Variants in PCDHA5 observed in about 807,000 individuals in gnomAD.
The protein encoded by PCDHA5 is protocadherin alpha 5, also known as protocadherin alpha-5.
A neutral mutation model predicts 61.6 loss-of-function variants in PCDHA5; 43 were observed. The observed-to-expected ratio is 0.70, with a 90% CI of 0.55 to 0.90. PCDHA5 has a LOEUF of 0.90. PCDHA5 is among the 40% of genes least tolerant of loss of function. The pLI is 0.00. For missense variants in PCDHA5, 1,298 were observed against 1,222.7 expected (o/e 1.06, Z -0.92); for synonymous variants, 627 against 543.9 (o/e 1.15, Z -2.13).
chr5:140,964,586 C>T (rs2095842092), intron 1 of PCDHA5, among the ~76,000 whole-genome samples: 1 of 152,078 alleles, frequency 6.6e-6, no homozygotes, highest in Non-Finnish European at 1.5e-5. Flanking sequence ...GAGGAAAGAT[C>T]ACTTTTCATG....
chr5:140,941,191 T>TTTTTCTTTC lies in PCDHA5; in HGVS notation c.2353-37755_2353-37754insTCTTTCTTT, dbSNP rs1554213809. 3.1e-4 allele frequency among the ~76,000 whole-genome samples: 29 copies of TTTTTCTTTC among 93,252 alleles called. No homozygotes were observed. The East Asian group carries it at 6.1e-3, about 20-fold the overall frequency. 61.2% of individuals were successfully genotyped at this position (93,252 alleles called of 152,430 possible). On this transcript the variant is annotated intron_variant, in intron 1 of 3. Transcript: ENST00000529859. ...CATCTTGAACATCCTGCTTCTTTTT[T>TTTTTCTTTC]TTTCTTTCTTCCTTTCTTTCTTCCT...
chr5:140,897,949 G>A (rs2066421771), intron 1 of PCDHA5, among the ~76,000 whole-genome samples: 2 of 152,308 alleles, frequency 1.3e-5, no homozygotes, highest in African/African-American at 2.4e-5. Context: ...GTGATGATTA[G>A]CATTTTTTCA....
chr5:140,853,742 G>A, intron 1 of PCDHA5: 1 of 988,574 alleles, frequency 1.0e-6, no homozygotes, highest in Non-Finnish European at 1.2e-6. Context: ...GAATGTTCTG[G>A]TTCAAGGCTC....
intron 1 of PCDHA5, chr5:140,841,149 T>G: frequency 1.3e-6 from 1 of 781,862 alleles, no homozygotes. Flanking sequence ...ATGATGTCGC[T>G]GTCTACCAAG....
At chr5:140,928,855 C>T (rs781997277) in intron 1 of PCDHA5, 1 of 1,614,184 alleles carries the variant, frequency 6.2e-7, no homozygotes, top group Non-Finnish European at 8.5e-7. Context: ...TCTGGGTGTG[C>T]TGTTGAGCAA....
At chr5:140,934,563 T>A (rs1017456946) in intron 1 of PCDHA5, among the ~76,000 whole-genome samples, 1 of 152,212 alleles carries the variant, frequency 6.6e-6, no homozygotes, top group African/African-American at 2.4e-5. Flanking sequence ...TTCTTTTTTT[T>A]AATTAATTGT....
chr5:141,001,278 C>T (rs182360019), intron 3 of PCDHA5, among the ~76,000 whole-genome samples: 500 of 152,168 alleles, frequency 3.3e-3, no homozygotes, highest in Admixed American at 5.6e-3. Context: ...ACTTTTTTTA[C>T]GGATGAAAAC....
intron 1 of PCDHA5, chr5:140,835,465 A>G: frequency 6.2e-7 from 1 of 1,613,920 alleles, no homozygotes; most frequent in Non-Finnish European, 8.5e-7. Context: ...CCTATTCCAG[A>G]GGACGCCCAA....
At chr5:140,994,939 C>T (rs1210134523) in intron 3 of PCDHA5, among the ~76,000 whole-genome samples, 5 of 152,160 alleles carry the variant, frequency 3.3e-5, no homozygotes, top group Non-Finnish European at 7.3e-5. Context: ...CTTAAACATC[C>T]TGCTAAATAA....
chr5:140,872,755 C>A (rs1415992998), intron 1 of PCDHA5, among the ~76,000 whole-genome samples: 2 of 152,118 alleles, frequency 1.3e-5, no homozygotes, highest in African/African-American at 4.8e-5. Flanking sequence ...TAAAGACATG[C>A]ATATAGGGCT....
intron 1 of PCDHA5, among the ~76,000 whole-genome samples, chr5:140,931,212 T>A (rs556351535): frequency 3.5e-4 from 54 of 152,168 alleles, no homozygotes; most frequent in Non-Finnish European, 3.5e-4. Context: ...GTATTTCAGG[T>A]ATCAGAGCAC....
chr5:140,953,131 C>T (rs1554220819), intron 1 of PCDHA5, among the ~76,000 whole-genome samples: 1 of 152,158 alleles, frequency 6.6e-6, no homozygotes, highest in African/African-American at 2.4e-5. Context: ...TAAACCGTAT[C>T]ACTGTTATAT....
In PCDHA5 at chr5:141,011,207, G is replaced by A. The variant is rs79928365; in HGVS notation, c.*1270G>A. On this transcript the variant is annotated 3_prime_UTR_variant, in exon 4 of 4. Coordinates refer to ENST00000529859, the MANE Select transcript of PCDHA5 (RefSeq NM_018908.3). Reference sequence around the variant, plus strand: ...GAAAAATATTGTTTTCTCATACAGTGAGCAGATTTTTCAATCTACTAATTC... The same window carrying A: ...GAAAAATATTGTTTTCTCATACAGTAAGCAGATTTTTCAATCTACTAATTC... 325 of 153,804 alleles carry A rather than the reference G, an allele frequency of 2.1e-3. 2 individuals are homozygous for A. The highest frequency in any genetic ancestry group is 7.1e-3 in the African/African-American group (293 of 41,546). 9.5% of individuals were successfully genotyped at this position (153,804 alleles called of 1,614,324 possible). A position where few individuals can be genotyped will look rare whatever the true frequency, so the allele number is the denominator to read the frequency against.
Position 141,010,026 on chromosome 5 carries a change from T to C in PCDHA5, c.*89T>C. On this transcript the variant is annotated 3_prime_UTR_variant, in exon 4 of 4. Transcript: ENST00000529859. ...AGCAATTCCCTGCTCCTTTTTCCTA[T>C]CTACATGAGCCCTCTTAGAGACCTC... 1 of 1,574,670 alleles carries C rather than the reference T, an allele frequency of 6.4e-7. No homozygotes were observed. The highest frequency in any genetic ancestry group is 8.6e-7 in the Non-Finnish European group (1 of 1,164,154).
At chr5:140,980,910 T>G (rs1554242463) in intron 2 of PCDHA5, among the ~76,000 whole-genome samples, 1 of 152,206 alleles carries the variant, frequency 6.6e-6, no homozygotes, top group East Asian at 1.9e-4. Context: ...ATGTAACTAT[T>G]CTTTAAAAAA....
rs374028253 is a variant in PCDHA5, at chr5:140,876,864, G to C, written c.2352+52737G>C. ...CGCAGCCCGAGTACACAGTGTTCGT[G>C]AAGGAGAACAACCCGCCGGGCTGCC... is the stretch of plus-strand genomic sequence containing the variant. On this transcript the variant is annotated intron_variant, in intron 1 of 3. Transcript: ENST00000529859. The C allele has an allele frequency of 5.1e-5, 82 of 1,614,026 alleles. No individual in the cohort carries two copies. The African/African-American group carries it at 1.0e-3, about 20-fold the overall frequency.
In PCDHA5 at chr5:140,823,314, C is replaced by A; in HGVS notation, c.1539C>A (p.Ser513Arg). 6.2e-7 allele frequency: 1 copy of A among 1,612,202 alleles called. No homozygotes were observed. The highest frequency in any genetic ancestry group is 8.5e-7 in the Non-Finnish European group (1 of 1,179,744). ...GTTACGTTTCGGTGCACGCGGAGAG[C>A]GGCAAGGTGTACGCGCTGCAGCCGC... ...LSSYVSVHAE[S>R]GKVYALQPLD... Residue 513 changes from serine to arginine, a missense_variant, in exon 1 of 4, where the codon AGC (serine) becomes AGA (arginine). By Grantham distance (110) the Ser-to-Arg change is moderately radical (BLOSUM62 -1). Transcript: ENST00000529859.
chr5:140,869,511 A>T (rs1160788033), intron 1 of PCDHA5: 4 of 1,614,076 alleles, frequency 2.5e-6, no homozygotes, highest in Non-Finnish European at 2.5e-6. Context: ...TCTCGCTCAG[A>T]GAACAAAAGC....
At chr5:140,926,139 C>A (rs1434952263) in intron 1 of PCDHA5, among the ~76,000 whole-genome samples, 11 of 152,088 alleles carry the variant, frequency 7.2e-5, no homozygotes, top group Non-Finnish European at 1.5e-4. Flanking sequence ...GCAGCAGGAT[C>A]CAGCGCGGAA....
Sources: gnomAD v4.1 joint callset for allele counts (sites outside exome capture counted in the v4.1 genomes callset) on GRCh38, gnomAD v4.1.1 for gene constraint, MANE v1.5 for transcripts, NCBI Gene and HGNC (gene_info 2026-07-23, HGNC 2026-07-21) for gene names.